The following CACNA1H variants were observed in gnomAD, a reference collection of about 807,000 sequenced individuals.
The protein encoded by CACNA1H is voltage-dependent T-type calcium channel subunit alpha-1H.
Under a neutral mutation model 192.5 loss-of-function variants are expected in CACNA1H, and 149 were observed. That is an observed-to-expected ratio of 0.77 (90% CI 0.68 to 0.89). The LOEUF is 0.89. Ranked by LOEUF, CACNA1H falls within the 40% of genes least tolerant of loss-of-function variation. The probability of loss-of-function intolerance (pLI) is 0.00; values close to 1 mark genes in which losing one functional copy is unlikely to be tolerated. For synonymous variants in CACNA1H, 2,202 were observed against 1,475.2 expected, an observed-to-expected ratio of 1.49 and a Z score of -11.29; for missense variants, 4,257 against 3,423.5, an observed-to-expected ratio of 1.24 and a Z score of -6.08.
At chr16:1,154,430 C>A (rs570254473) in intron 2 of CACNA1H, among the ~76,000 whole-genome samples, 1 of 152,050 alleles carries the variant, frequency 6.6e-6, no homozygotes, top group Non-Finnish European at 1.5e-5. Flanking sequence ...AGGTCCTGCC[C>A]GAGGCAGGCC....
At position 1,220,193 on chromosome 16, in the gene CACNA1H, C is replaced by A. The variant is rs372118811; in HGVS notation, c.6261C>A (p.Gly2087=). 6.5e-7 allele frequency: 1 copy of A among 1,539,052 alleles called. No homozygotes were observed. Among genetic ancestry groups the A allele is most frequent in the South Asian group, 1.2e-5 (1 of 80,240 alleles). ...RCVSSRPAAP[G]GEEAEASDPA... ...TCTCCAGCCGGCCGGCGGCCCCAGG[C>A]GGAGAGGAGGCCGAGGCCTCGGACC... is the stretch of plus-strand genomic sequence containing the variant. Residue 2087 remains glycine (G), a synonymous_variant, in exon 35 of 35, where the codon GGC becomes GGA. Coordinates refer to ENST00000348261, the MANE Select transcript of CACNA1H (RefSeq NM_021098.3).
chr16:1,195,666 T>G lies in CACNA1H; in HGVS notation c.545+101T>G, dbSNP rs866396554. On this transcript the variant is annotated intron_variant, in intron 4 of 34. Coordinates refer to ENST00000348261, the MANE Select transcript of CACNA1H (RefSeq NM_021098.3). ...CTGTAAAGAAAAATGGGAGGTGTGT[T>G]CTAGAGGGATCCAGGTAGAGCCAGG... 1.5e-5 allele frequency: 20 copies of G among 1,349,680 alleles called. No homozygotes were observed. The African/African-American group carries it at 2.8e-4, about 19-fold the overall frequency. The allele number at this position is 1,349,680 out of a possible 1,614,324, so 83.6% of individuals were successfully genotyped here.
intron 2 of CACNA1H, among the ~76,000 whole-genome samples, chr16:1,184,700 CAGG>C (rs1965806932): frequency 1.3e-5 from 2 of 152,222 alleles, no homozygotes; most frequent in South Asian, 2.1e-4. Flanking sequence ...GGCCACGTGG[CAGG>C]AGGAGGAGAC....
intron 5 of CACNA1H, 131 bp downstream of exon 5, chr16:1,196,154 C>G: frequency 1.4e-6 from 1 of 709,858 alleles, no homozygotes; most frequent in Non-Finnish European, 2.4e-6. Flanking sequence ...CGGCCCCAGC[C>G]CAGACCCCAG....
At position 1,220,411 on chromosome 16, in the gene CACNA1H, T is replaced by C. The variant is rs1431711479; in HGVS notation, c.6479T>C (p.Leu2160Pro). The C allele has an allele frequency of 2.6e-6, 4 of 1,526,082 alleles. No homozygotes were observed. The highest frequency in any genetic ancestry group is 3.5e-6 in the Non-Finnish European group (4 of 1,145,900). 94.5% of individuals were successfully genotyped at this position (1,526,082 alleles called of 1,614,324 possible). The change falls in exon 35 of 35, where the codon CTG (leucine) becomes CCG (proline). Residue 2160 changes from leucine (L) to proline (P), a missense_variant. Coordinates refer to ENST00000348261, the MANE Select transcript of CACNA1H (RefSeq NM_021098.3). The part of the protein sequence containing the change: ...ADEQWRPSAE[L>P]GSGEPGEAKA... ...GAGCAGTGGCGGCCCTCGGCGGAGC[T>C]GGGCAGCGGGGAGCCTGGGGAGGCG...
chr16:1,201,262 C>T (rs932975013), intron 8 of CACNA1H, among the ~76,000 whole-genome samples: 2 of 152,268 alleles, frequency 1.3e-5, no homozygotes, highest in East Asian at 1.9e-4. Context: ...CCAGCTTGTT[C>T]TGAGAGAGCA....
At position 1,217,728 on chromosome 16, in the gene CACNA1H, G is replaced by A. The variant is rs543383082; in HGVS notation, c.5324-191G>A. Among the ~76,000 whole-genome samples, 34 of 152,352 alleles carry A rather than the reference G, an allele frequency of 2.2e-4. No homozygotes were observed. The South Asian group carries it at 5.0e-3, about 22-fold the overall frequency. ...GCCCAGGTGCGGCAGCAGGGGCCTCGGCCCAGGGGCTCCGACCTCACACCC... is the reference window on the plus strand; with the variant it reads ...GCCCAGGTGCGGCAGCAGGGGCCTCAGCCCAGGGGCTCCGACCTCACACCC... On this transcript the variant is annotated intron_variant, in intron 31 of 34. Transcript: ENST00000348261.
intron 2 of CACNA1H, among the ~76,000 whole-genome samples, chr16:1,186,471 T>C (rs982143765): frequency 2.0e-5 from 3 of 152,086 alleles, no homozygotes; most frequent in Admixed American, 6.5e-5. Flanking sequence ...AAAGGGTCAC[T>C]GTGGACTCTG....
intron 33 of CACNA1H, 99 bp downstream of exon 33, chr16:1,218,750 G>C: frequency 1.6e-6 from 2 of 1,275,468 alleles, no homozygotes; most frequent in South Asian, 2.9e-5. Context: ...CCAGAGCAGG[G>C]CAAGAGGAAG....
chr16:1,167,274 G>A lies in CACNA1H; in HGVS notation c.299+13238G>A, dbSNP rs549145674. Among the ~76,000 whole-genome samples the A allele has an allele frequency of 3.8e-3, 576 of 152,302 alleles. 3 individuals are homozygous for A. Among genetic ancestry groups the A allele is most frequent in the African/African-American group, 9.3e-3 (386 of 41,574 alleles). ...TGTCAGCAGCCCGTCCCGGTGGGTG[G>A]GGCTTGCCGGCCGCCCGCGAATGTC... On this transcript the variant is annotated intron_variant, in intron 2 of 34. Transcript: ENST00000348261. The surrounding 1 kb of genome is among the most constrained non-coding windows in gnomAD (Gnocchi z 4.2).
chr16:1,189,540 C>T (rs1185749012), intron 2 of CACNA1H, among the ~76,000 whole-genome samples: 5 of 151,098 alleles, frequency 3.3e-5, no homozygotes, highest in Non-Finnish European at 5.9e-5. Context: ...CTTCAGCCTC[C>T]CCGAGTAGCT....
At chr16:1,217,086 C>A in intron 31 of CACNA1H, 76 bp downstream of exon 31, 2 of 1,270,554 alleles carry the variant, frequency 1.6e-6, no homozygotes, top group Non-Finnish European at 2.2e-6. Context: ...CACTCACACG[C>A]AGGCACATGC....
At chr16:1,196,331 G>A (rs893062309) in intron 5 of CACNA1H, among the ~76,000 whole-genome samples, 3 of 152,290 alleles carry the variant, frequency 2.0e-5, no homozygotes, top group Admixed American at 2.0e-4. Flanking sequence ...TCTGGGGCAA[G>A]GCTGGAGGCC....
Position 1,220,752 on chromosome 16 carries a change from G to C in CACNA1H, c.6820G>C (p.Gly2274Arg). ...CTTTGCCTTTGAGCCGCTGGACCTC[G>C]GGGTCCCCAGTGGAGACCCTTTCTT... ...PSFAFEPLDLGVPSGDPFLDG... is the reference protein window; with the variant it reads ...PSFAFEPLDLRVPSGDPFLDG... The change falls in exon 35 of 35, where the codon GGG (glycine) becomes CGG (arginine). Residue 2274 changes from glycine (G) to arginine (R), a missense_variant. By Grantham distance (125) the Gly-to-Arg change is moderately radical. Transcript: ENST00000348261. The C allele has an allele frequency of 1.9e-6, 3 of 1,612,512 alleles. No individual in the cohort carries two copies. The highest frequency in any genetic ancestry group is 2.5e-6 in the Non-Finnish European group (3 of 1,179,736).
At chr16:1,166,614 T>C (rs572746558) in intron 2 of CACNA1H, among the ~76,000 whole-genome samples, 3 of 152,284 alleles carry the variant, frequency 2.0e-5, no homozygotes, top group African/African-American at 7.2e-5. Flanking sequence ...TGCAGTCAGC[T>C]GTCTCGGCGT....
chr16:1,169,793 C>A (rs576666845), intron 2 of CACNA1H, among the ~76,000 whole-genome samples: 1 of 152,354 alleles, frequency 6.6e-6, no homozygotes, highest in South Asian at 2.1e-4. Context: ...TGGTCCCTGG[C>A]CCCTGGCCCC....
chr16:1,186,432 G>A (rs1414131599), intron 2 of CACNA1H, among the ~76,000 whole-genome samples: 1 of 152,036 alleles, frequency 6.6e-6, no homozygotes, highest in African/African-American at 2.4e-5. Flanking sequence ...GCAGAAAGCC[G>A]GACGATGCCG....
At chr16:1,204,489 C>T (rs1356321503) in intron 10 of CACNA1H, 31 bp downstream of exon 10, 1 of 1,498,836 alleles carries the variant, frequency 6.7e-7, no homozygotes, top group Non-Finnish European at 8.9e-7. Flanking sequence ...GGGGTGGGCT[C>T]CCTGTCAGGC....
At chr16:1,215,481 A>T in intron 29 of CACNA1H, 42 bp from the exon 30 acceptor site, 1 of 1,600,632 alleles carries the variant, frequency 6.2e-7, no homozygotes, top group Non-Finnish European at 8.5e-7. Flanking sequence ...CGCAGCAGGG[A>T]GGGTCCGCCC....
Sources: allele counts gnomAD v4.1 joint callset (sites outside exome capture counted in the v4.1 genomes callset), GRCh38; gene constraint gnomAD v4.1.1; non-coding constraint Gnocchi (gnomAD v3.1); transcripts MANE v1.5; gene names NCBI Gene and HGNC (gene_info 2026-07-23, HGNC 2026-07-21).